ABLIM1: variants seen among roughly 807,000 people sequenced by gnomAD.
The protein encoded by ABLIM1 is actin binding LIM protein 1.
In ABLIM1, 40 loss-of-function variants were observed where a neutral mutation model predicts 107.0. The observed-to-expected ratio is 0.37, with a 90% CI of 0.29 to 0.49. The LOEUF (loss-of-function observed/expected upper bound fraction) is 0.49. ABLIM1 is among the 20% of genes least tolerant of loss of function. The pLI is 0.97. For synonymous variants in ABLIM1, 357 were observed against 357.3 expected, an observed-to-expected ratio of 1.00 and a Z score of 0.01; for missense variants, 857 against 1,008.5, an observed-to-expected ratio of 0.85 and a Z score of 2.04.
intron 1 of ABLIM1, among the ~76,000 whole-genome samples, chr10:114,705,975 T>C (rs561475692): frequency 2.0e-5 from 3 of 152,194 alleles, no homozygotes; most frequent in East Asian, 1.9e-4. Flanking sequence ...AAACCTCTAA[T>C]ACAAGGCAGT....
intron 6 of ABLIM1, among the ~76,000 whole-genome samples, chr10:114,512,224 A>G (rs2061983357): frequency 6.6e-6 from 1 of 152,370 alleles, no homozygotes; most frequent in Non-Finnish European, 1.5e-5. Context: ...AAGGGCTGAA[A>G]TTAGCGAACT....
chr10:114,490,027 G>C (rs1053017203), intron 7 of ABLIM1, among the ~76,000 whole-genome samples: 5 of 152,224 alleles, frequency 3.3e-5, no homozygotes, highest in African/African-American at 1.2e-4. Flanking sequence ...GTTTCTAGCA[G>C]AGACAGGGTT....
intron 1 of ABLIM1, among the ~76,000 whole-genome samples, chr10:114,723,795 A>C (rs2081901559): frequency 2.6e-5 from 4 of 152,106 alleles, no homozygotes; most frequent in Admixed American, 2.6e-4. Context: ...TTTATATTGT[A>C]GGTAACTAAC....
intron 1 of ABLIM1, among the ~76,000 whole-genome samples, chr10:114,644,716 CT>C (rs2078937838): frequency 6.6e-6 from 1 of 152,136 alleles, no homozygotes; most frequent in Non-Finnish European, 1.5e-5. Context: ...TAGATTTTTA[CT>C]CCTAAGAATC....
At chr10:114,587,194 C>A (rs527592350) in intron 2 of ABLIM1, among the ~76,000 whole-genome samples, 1 of 152,322 alleles carries the variant, frequency 6.6e-6, no homozygotes, top group South Asian at 2.1e-4. Flanking sequence ...TTGTTGTAAT[C>A]TGAATTTTCT....
chr10:114,545,226 A>T (rs1186330174), intron 5 of ABLIM1, 128 bp from the exon 6 acceptor site: 51 of 800,878 alleles, frequency 6.4e-5, no homozygotes, highest in Non-Finnish European at 1.1e-4. Context: ...CAGTGTTCAC[A>T]TGCCTGGCAA....
chr10:114,540,501 A>G (rs866289401), intron 6 of ABLIM1, among the ~76,000 whole-genome samples: 1 of 152,090 alleles, frequency 6.6e-6, no homozygotes, highest in Non-Finnish European at 1.5e-5. Flanking sequence ...CAGGGCTTAC[A>G]AGGATTAAGG....
chr10:114,641,328 A>G (rs2497685), intron 1 of ABLIM1, among the ~76,000 whole-genome samples: 1,985 of 149,520 alleles, frequency 0.013, 70 homozygotes, highest in African/African-American at 0.048. Context: ...GTTATCTTCA[A>G]CCTATTCATT....
chr10:114,604,452 G>T (rs1475891563), intron 1 of ABLIM1, among the ~76,000 whole-genome samples: 2 of 152,216 alleles, frequency 1.3e-5, no homozygotes, highest in Admixed American at 6.5e-5. Context: ...TTTGATAACT[G>T]AGCATGGCAC....
At chr10:114,600,684 A>T (rs1466530795) in intron 2 of ABLIM1, among the ~76,000 whole-genome samples, 1 of 152,112 alleles carries the variant, frequency 6.6e-6, no homozygotes, top group African/African-American at 2.4e-5. Context: ...GGGCATAGGA[A>T]TGAGGGTCCT....
chr10:114,493,576 C>T (rs191634879), intron 6 of ABLIM1, among the ~76,000 whole-genome samples: 13 of 152,190 alleles, frequency 8.5e-5, no homozygotes, highest in Admixed American at 2.0e-4. Context: ...ATCACGAATA[C>T]AAAAATTAAG....
At chr10:114,468,837 G>C (rs182282337) in intron 10 of ABLIM1, among the ~76,000 whole-genome samples, 1 of 151,638 alleles carries the variant, frequency 6.6e-6, no homozygotes, top group Non-Finnish European at 1.5e-5. Context: ...GGACCACAAG[G>C]TCAGGAGATC....
chr10:114,564,050 T>G (rs980334120), intron 4 of ABLIM1, among the ~76,000 whole-genome samples: 2 of 150,550 alleles, frequency 1.3e-5, no homozygotes, highest in East Asian at 2.0e-4. Context: ...TGATCCAAAA[T>G]CAGTGATTTT....
rs540214766 is a variant in ABLIM1 at position 114,572,567 on chromosome 10, C to G, written c.564-1161G>C. On this transcript the variant is annotated intron_variant, in intron 3 of 22. Coordinates refer to ENST00000533213, the MANE Select transcript of ABLIM1 (RefSeq NM_002313.7). Reference sequence around the variant, plus strand: ...TGATGCTGTGTCACTTTCGGCAGTACAGTGAAGGCTCAGAGAGGTGAAGTG... The same window carrying G: ...TGATGCTGTGTCACTTTCGGCAGTAGAGTGAAGGCTCAGAGAGGTGAAGTG... Among the ~76,000 whole-genome samples the G allele has an allele frequency of 2.6e-5, 4 of 152,284 alleles. No individual in the cohort carries two copies. In the South Asian group the frequency reaches 8.3e-4, roughly 32 times the overall value.
chr10:114,551,957 C>T (rs1234834614), intron 4 of ABLIM1, among the ~76,000 whole-genome samples: 1 of 152,146 alleles, frequency 6.6e-6, no homozygotes, highest in African/African-American at 2.4e-5. Context: ...TCACTGAATG[C>T]TTACCAGCCA....
intron 6 of ABLIM1, among the ~76,000 whole-genome samples, chr10:114,513,228 G>A (rs912316255): frequency 1.4e-5 from 2 of 142,168 alleles, no homozygotes; most frequent in African/African-American, 6.0e-5. Context: ...ACTGATAAAC[G>A]TGATGAATTT....
chr10:114,764,428 A>G (rs1475739422), intron 1 of ABLIM1, among the ~76,000 whole-genome samples: 1 of 152,224 alleles, frequency 6.6e-6, no homozygotes. Context: ...GCTGGAGTGC[A>G]AAGTCGCAAT....
At chr10:114,509,122 G>A (rs150941783) in intron 6 of ABLIM1, among the ~76,000 whole-genome samples, 197 of 152,278 alleles carry the variant, frequency 1.3e-3, no homozygotes, top group African/African-American at 4.5e-3. Context: ...AGGAGAGCAG[G>A]AGGAAAAGAC....
intron 1 of ABLIM1, among the ~76,000 whole-genome samples, chr10:114,752,000 C>T (rs1342760784): frequency 6.6e-6 from 1 of 152,154 alleles, no homozygotes; most frequent in Non-Finnish European, 1.5e-5. Context: ...AGGATGGAGC[C>T]AGCACCTTCC....
Sources: allele counts gnomAD v4.1 joint callset (sites outside exome capture counted in the v4.1 genomes callset), GRCh38; gene constraint gnomAD v4.1.1; transcripts MANE v1.5; gene names NCBI Gene and HGNC (gene_info 2026-07-23, HGNC 2026-07-21).